Variants in PTPRR observed in about 807,000 individuals in gnomAD.
PTPRR encodes protein tyrosine phosphatase receptor type R.
Under a neutral mutation model 77.2 loss-of-function variants are expected in PTPRR, and 38 were observed. The ratio of observed to expected loss-of-function variants is 0.49; its 90% CI spans 0.38 to 0.65. PTPRR has a LOEUF of 0.65. PTPRR is among the 30% of genes least tolerant of loss of function. The pLI, the probability that PTPRR is intolerant of heterozygous loss-of-function variation, is 0.00. For synonymous variants in PTPRR, 299 were observed against 283.1 expected (o/e 1.06, Z -0.57); for missense variants, 744 against 799.2 (o/e 0.93, Z 0.83).
intron 1 of PTPRR, among the ~76,000 whole-genome samples, chr12:70,896,818 C>T (rs1893436464): frequency 6.6e-6 from 1 of 151,744 alleles, no homozygotes; most frequent in Non-Finnish European, 1.5e-5. Flanking sequence ...CCAGTTTCAG[C>T]TTTCTACATA....
chr12:70,804,584 A>G (rs1454712037), intron 2 of PTPRR, among the ~76,000 whole-genome samples: 2 of 152,110 alleles, frequency 1.3e-5, no homozygotes. Flanking sequence ...TAGCTAATTA[A>G]ATAAGAAGTA....
At chr12:70,839,651 T>C (rs562729410) in intron 2 of PTPRR, among the ~76,000 whole-genome samples, 1 of 152,278 alleles carries the variant, frequency 6.6e-6, no homozygotes, top group Non-Finnish European at 1.5e-5. Context: ...AGAGAGCAAG[T>C]AAAAGAAATT....
At position 70,892,991 on chromosome 12, in the gene PTPRR, G is replaced by C; in HGVS notation, c.59-14C>G. The C allele has an allele frequency of 6.2e-7, 1 of 1,610,052 alleles. No individual in the cohort carries two copies. The highest frequency in any genetic ancestry group is 1.3e-5 in the African/African-American group (1 of 74,716). On this transcript the variant is annotated splice_polypyrimidine_tract_variant and intron_variant, in intron 1 of 13. Transcript: ENST00000283228. ...CTGAAAAGCACCCTGAAAGAGGGAA[G>C]AAGCAGAAACAATATCAAAGACCCT...
At chr12:70,908,874 T>C (rs1056295660) in intron 1 of PTPRR, among the ~76,000 whole-genome samples, 20 of 152,142 alleles carry the variant, frequency 1.3e-4, no homozygotes, top group African/African-American at 4.6e-4. Flanking sequence ...AAAATCAAAA[T>C]TAAGGAAGGG....
At chr12:70,844,530 G>A (rs1198852817) in intron 2 of PTPRR, among the ~76,000 whole-genome samples, 3 of 152,170 alleles carry the variant, frequency 2.0e-5, no homozygotes, top group East Asian at 1.9e-4. Flanking sequence ...CATACAAGCC[G>A]AGTAGAATAG....
At chr12:70,726,674 G>T (rs1439577999) in intron 6 of PTPRR, among the ~76,000 whole-genome samples, 1 of 151,218 alleles carries the variant, frequency 6.6e-6, no homozygotes, top group African/African-American at 2.4e-5. Flanking sequence ...TCCACCTCCT[G>T]AGTTCAAACG....
chr12:70,686,923 G>T (rs961698392), intron 8 of PTPRR, among the ~76,000 whole-genome samples: 2 of 152,086 alleles, frequency 1.3e-5, no homozygotes, highest in African/African-American at 4.8e-5. Context: ...GGGGTAATTT[G>T]TTCCATAGCA....
At chr12:70,830,127 C>T (rs1440234713) in intron 2 of PTPRR, among the ~76,000 whole-genome samples, 1 of 152,086 alleles carries the variant, frequency 6.6e-6, no homozygotes, top group African/African-American at 2.4e-5. Context: ...AAAGCGTGCT[C>T]CTGCGGCAGT....
At chr12:70,744,064 C>T (rs1226312700) in intron 6 of PTPRR, among the ~76,000 whole-genome samples, 2 of 152,086 alleles carry the variant, frequency 1.3e-5, no homozygotes, top group Non-Finnish European at 2.9e-5. Context: ...TCACTGATGC[C>T]CAGGTCTGTG....
rs928236125 is a variant in PTPRR, at chr12:70,668,284, G to A, written c.1498-5679C>T. ...AGGATGAAGAAGAGGAGGAAGAGGA[G>A]GAGGAGGAGGAGCAGCAGCAGCTTG... On this transcript the variant is annotated intron_variant, in intron 10 of 13. Transcript: ENST00000283228. Among the ~76,000 whole-genome samples, 6 of 152,210 alleles carry A rather than the reference G, an allele frequency of 3.9e-5. No homozygotes were observed. The South Asian group carries it at 1.2e-3, about 32-fold the overall frequency.
intron 5 of PTPRR, among the ~76,000 whole-genome samples, chr12:70,746,725 T>C (rs2136930048): frequency 6.6e-6 from 1 of 152,120 alleles, no homozygotes; most frequent in African/African-American, 2.4e-5. Context: ...AGGATCTGGC[T>C]CTGTTGCCCA....
chr12:70,880,866 G>A (rs901099103), intron 2 of PTPRR, among the ~76,000 whole-genome samples: 10 of 151,974 alleles, frequency 6.6e-5, no homozygotes, highest in African/African-American at 2.4e-4. Context: ...CCTTTAACTT[G>A]GCTATTTTTA....
intron 2 of PTPRR, among the ~76,000 whole-genome samples, chr12:70,768,175 T>C (rs1463155689): frequency 6.6e-6 from 1 of 151,766 alleles, no homozygotes; most frequent in East Asian, 1.9e-4. Context: ...AGAGCAGAAC[T>C]GAAGGAAATA....
At chr12:70,749,277 T>C (rs1890313118) in intron 5 of PTPRR, among the ~76,000 whole-genome samples, 1 of 152,196 alleles carries the variant, frequency 6.6e-6, no homozygotes, top group South Asian at 2.1e-4. Context: ...TTTTTACCAC[T>C]TTCTACTCTG....
At chr12:70,701,645 T>C (rs1308500380) in intron 6 of PTPRR, among the ~76,000 whole-genome samples, 2 of 152,174 alleles carry the variant, frequency 1.3e-5, no homozygotes, top group Admixed American at 6.5e-5. Context: ...AAAAGCTATA[T>C]CTATATCTAT....
chr12:70,772,038 GTAA>G (rs1335132945), intron 2 of PTPRR, among the ~76,000 whole-genome samples: 1 of 152,030 alleles, frequency 6.6e-6, no homozygotes, highest in Admixed American at 6.6e-5. Flanking sequence ...TATCATAGTA[GTAA>G]TAATAACCCT....
intron 2 of PTPRR, among the ~76,000 whole-genome samples, chr12:70,839,077 C>T (rs1892351503): frequency 6.6e-6 from 1 of 152,120 alleles, no homozygotes; most frequent in Admixed American, 6.6e-5. Flanking sequence ...CTGTCCACTT[C>T]TTTTCTTTAT....
intron 2 of PTPRR, among the ~76,000 whole-genome samples, chr12:70,768,224 G>A (rs559670971): frequency 2.6e-5 from 4 of 152,170 alleles, no homozygotes; most frequent in African/African-American, 9.6e-5. Flanking sequence ...ATGAATCCAG[G>A]AGCTGGTTTT....
In PTPRR at chr12:70,777,269, T is replaced by C. The variant is rs550873639; in HGVS notation, c.358-12491A>G. ...TGTTATTTCAACAGATTTAGATGTG[T>C]TTTATTGCTTTGCTATTTTATGTTT... On this transcript the variant is annotated intron_variant, in intron 2 of 13. Coordinates refer to ENST00000283228, the MANE Select transcript of PTPRR (RefSeq NM_002849.4). Among the ~76,000 whole-genome samples the C allele has an allele frequency of 2.0e-5, 3 of 152,206 alleles. No individual in the cohort carries two copies. In the South Asian group the frequency reaches 6.2e-4, roughly 32 times the overall value.
Sources: gnomAD v4.1 joint callset for allele counts (sites outside exome capture counted in the v4.1 genomes callset) on GRCh38, gnomAD v4.1.1 for gene constraint, MANE v1.5 for transcripts, NCBI Gene and HGNC (gene_info 2026-07-23, HGNC 2026-07-21) for gene names.